The following LOC128462377 variants were observed in gnomAD, a reference collection of about 807,000 sequenced individuals.
At chr16:89,407,676 CACACACACAT>C in the LOC128462377 span, among the ~76,000 whole-genome samples, 7 of 152,076 alleles carry the variant, frequency 4.6e-5, no homozygotes, top group East Asian at 9.7e-4. Context: ...CATACACACA[CACACACACAT>C]AGACACACAC....
chr16:89,415,496 C>T, the LOC128462377 span, among the ~76,000 whole-genome samples: 5 of 143,378 alleles, frequency 3.5e-5, no homozygotes, highest in Admixed American at 7.0e-5. Context: ...GATCTCCTGA[C>T]CTCATGATCC....
At chr16:89,330,744 T>TA in the LOC128462377 span, among the ~76,000 whole-genome samples, 1 of 145,706 alleles carries the variant, frequency 6.9e-6, no homozygotes, top group South Asian at 2.2e-4. Flanking sequence ...CCTCATCCTG[T>TA]TCCTCCTCGG....
the LOC128462377 span, among the ~76,000 whole-genome samples, chr16:89,326,659 T>C: frequency 6.6e-6 from 1 of 152,074 alleles, no homozygotes; most frequent in African/African-American, 2.4e-5. Flanking sequence ...GGAAGACCCC[T>C]TGGGCCCAGG....
the LOC128462377 span, among the ~76,000 whole-genome samples, chr16:89,346,310 C>G: frequency 6.7e-6 from 1 of 150,000 alleles, no homozygotes; most frequent in African/African-American, 2.5e-5. Flanking sequence ...AGCCACGGAG[C>G]AGATATTAAA....
the LOC128462377 span, among the ~76,000 whole-genome samples, chr16:89,369,186 A>G: frequency 4.4e-3 from 669 of 152,312 alleles, 8 homozygotes; most frequent in African/African-American, 0.015. Flanking sequence ...AGTTTTCCCA[A>G]GAGAGAATAT....
the LOC128462377 span, among the ~76,000 whole-genome samples, chr16:89,375,926 C>G: frequency 7.2e-5 from 11 of 152,204 alleles, no homozygotes; most frequent in Admixed American, 7.2e-4. Context: ...GGAGTTGTGA[C>G]TTTAGGAAAA....
chr16:89,393,314 ATTTT>A, the LOC128462377 span, among the ~76,000 whole-genome samples: 7 of 139,276 alleles, frequency 5.0e-5, no homozygotes, highest in African/African-American at 1.3e-4. Flanking sequence ...TTTTATTTTT[ATTTT>A]TTTTTTTTTT....
chr16:89,400,032 C>A, the LOC128462377 span, among the ~76,000 whole-genome samples: 11 of 82,284 alleles, frequency 1.3e-4, no homozygotes, highest in South Asian at 8.6e-4. Flanking sequence ...CGCTGGAGGC[C>A]GGTCATCTGC....
the LOC128462377 span, among the ~76,000 whole-genome samples, chr16:89,407,173 G>A: frequency 1.3e-5 from 2 of 151,236 alleles, no homozygotes; most frequent in Admixed American, 6.6e-5. Flanking sequence ...CAACAAGAGC[G>A]AAACCCCGTC....
the LOC128462377 span, among the ~76,000 whole-genome samples, chr16:89,410,228 T>C: frequency 6.6e-6 from 1 of 152,140 alleles, no homozygotes; most frequent in African/African-American, 2.4e-5. Flanking sequence ...ACCCGGTGGG[T>C]ACGGCCCTTT....
chr16:89,388,512 G>A, the LOC128462377 span, among the ~76,000 whole-genome samples: 3 of 151,852 alleles, frequency 2.0e-5, no homozygotes, highest in Admixed American at 6.6e-5. Context: ...TGGTGCTGTC[G>A]AACGCACACA....
At chr16:89,354,113 C>A in the LOC128462377 span, among the ~76,000 whole-genome samples, 2 of 152,264 alleles carry the variant, frequency 1.3e-5, no homozygotes, top group East Asian at 3.9e-4. Flanking sequence ...GTGCCGCCTG[C>A]AAGGTCACTC....
the LOC128462377 span, among the ~76,000 whole-genome samples, chr16:89,402,884 G>A: frequency 6.6e-6 from 1 of 151,982 alleles, no homozygotes; most frequent in Admixed American, 6.5e-5. Context: ...GCTCTCCCGG[G>A]GGAAGGAGCC....
the LOC128462377 span, among the ~76,000 whole-genome samples, chr16:89,365,965 G>C: frequency 1.3e-5 from 2 of 151,978 alleles, no homozygotes; most frequent in East Asian, 3.9e-4. Flanking sequence ...GCAGTATTTG[G>C]TTTTCTGTCC....
At chr16:89,342,521 C>A in the LOC128462377 span, among the ~76,000 whole-genome samples, 114 of 152,330 alleles carry the variant, frequency 7.5e-4, no homozygotes, top group African/African-American at 2.4e-3. Flanking sequence ...GAACTCGCTG[C>A]GGCCTGCGTG....
the LOC128462377 span, among the ~76,000 whole-genome samples, chr16:89,380,363 C>T: frequency 1.1e-4 from 17 of 152,292 alleles, no homozygotes; most frequent in South Asian, 2.9e-3. Context: ...CCACCCACCT[C>T]GGCCTCCCAA....
chr16:89,324,311 C>T, the LOC128462377 span: 27 of 1,269,932 alleles, frequency 2.1e-5, no homozygotes, highest in African/African-American at 7.6e-5. Flanking sequence ...GACAGGAGCA[C>T]GGACACAGCA....
the LOC128462377 span, among the ~76,000 whole-genome samples, chr16:89,354,955 A>G: frequency 6.6e-6 from 1 of 152,182 alleles, no homozygotes; most frequent in African/African-American, 2.4e-5. Flanking sequence ...AATGCCCCCA[A>G]AGGAGTGAGG....
chr16:89,409,120 A>T, the LOC128462377 span, among the ~76,000 whole-genome samples: 23 of 152,342 alleles, frequency 1.5e-4, no homozygotes, highest in African/African-American at 4.8e-4. Context: ...CCCTGGGGCC[A>T]GGTATCAGGC....
Sources: allele counts gnomAD v4.1 joint callset (sites outside exome capture counted in the v4.1 genomes callset), GRCh38; gene constraint gnomAD v4.1.1; transcripts MANE v1.5.